ALK: variants seen among roughly 807,000 people sequenced by gnomAD.
ALK encodes the protein ALK receptor tyrosine kinase.
In ALK, 74 loss-of-function variants were observed where a neutral mutation model predicts 163.1. The observed-to-expected ratio is 0.45, with a 90% CI of 0.38 to 0.55. The LOEUF is 0.55. ALK is among the 20% of genes least tolerant of loss of function. The pLI, the probability that ALK is intolerant of heterozygous loss-of-function variation, is 0.00. For missense variants in ALK, 2,063 were observed against 2,105.3 expected, an observed-to-expected ratio of 0.98 and a Z score of 0.39; for synonymous variants, 960 against 843.2, an observed-to-expected ratio of 1.14 and a Z score of -2.40.
At chr2:29,696,609 CA>C (rs1678571790) in intron 2 of ALK, among the ~76,000 whole-genome samples, 1 of 151,064 alleles carries the variant, frequency 6.6e-6, no homozygotes, top group Non-Finnish European at 1.5e-5. Context: ...ATAAGGCCTG[CA>C]CAAAACCAGA....
rs1478981647 is a variant in ALK, at chr2:29,705,273, A to C, written c.788-10259T>G. On this transcript the variant is annotated intron_variant, in intron 2 of 28. Transcript: ENST00000389048. Reference sequence around the variant, plus strand: ...TATATATATATATATATATATATATATATATATAAATATATATCTGCTGTG... The same window carrying C: ...TATATATATATATATATATATATATCTATATATAAATATATATCTGCTGTG... Among the ~76,000 whole-genome samples the C allele has an allele frequency of 3.6e-3, 183 of 50,854 alleles. 4 individuals are homozygous for C. Among genetic ancestry groups the C allele is most frequent in the African/African-American group, 0.031 (176 of 5,620 alleles). 33.4% of individuals were successfully genotyped at this position (50,854 alleles called of 152,430 possible).
At chr2:29,505,806 GAAAA>G (rs56339658) in intron 4 of ALK, among the ~76,000 whole-genome samples, 21 of 137,926 alleles carry the variant, frequency 1.5e-4, no homozygotes, top group African/African-American at 5.3e-4. Context: ...TACACTAATT[GAAAA>G]AAAAAAAAAA....
At chr2:29,232,489 T>C in intron 14 of ALK, 41 bp from the exon 15 acceptor site, 2 of 1,613,472 alleles carry the variant, frequency 1.2e-6, no homozygotes, top group Non-Finnish European at 1.7e-6. Context: ...AACCGAGCTG[T>C]GCTTCCCCCT....
chr2:29,378,325 C>G (rs1231729669), intron 5 of ALK, among the ~76,000 whole-genome samples: 1 of 152,162 alleles, frequency 6.6e-6, no homozygotes, highest in African/African-American at 2.4e-5. Flanking sequence ...ATCATTGGGT[C>G]TTTGTTCATT....
chr2:29,490,988 C>T (rs1371025435), intron 4 of ALK, among the ~76,000 whole-genome samples: 2 of 152,290 alleles, frequency 1.3e-5, no homozygotes, highest in East Asian at 3.9e-4. Context: ...AGAAATGCTA[C>T]ATTTCAGTGA....
At chr2:29,715,348 G>A (rs1295408935) in intron 2 of ALK, among the ~76,000 whole-genome samples, 1 of 152,202 alleles carries the variant, frequency 6.6e-6, no homozygotes, top group Non-Finnish European at 1.5e-5. Context: ...CTGCCAAGAA[G>A]GGAAATCATG....
intron 6 of ALK, among the ~76,000 whole-genome samples, chr2:29,323,021 G>C (rs1457058588): frequency 1.3e-5 from 2 of 152,156 alleles, no homozygotes; most frequent in Admixed American, 6.5e-5. Context: ...GGTATTGTTA[G>C]CACAACAGCA....
intron 1 of ALK, among the ~76,000 whole-genome samples, chr2:29,900,645 G>A (rs1038341163): frequency 1.3e-5 from 2 of 152,190 alleles, no homozygotes; most frequent in African/African-American, 4.8e-5. Flanking sequence ...GCAGTAACCA[G>A]CAAACATGGG....
intron 3 of ALK, among the ~76,000 whole-genome samples, chr2:29,564,997 T>C (rs1674138686): frequency 6.6e-6 from 1 of 152,066 alleles, no homozygotes; most frequent in South Asian, 2.1e-4. Flanking sequence ...TGAGGTAGCT[T>C]TCAGAAAAAA....
Position 29,320,841 on chromosome 2 carries a change from A to G in ALK, c.1456T>C (p.Phe486Leu), listed in dbSNP as rs2148251034. The G allele has an allele frequency of 1.2e-6, 2 of 1,614,210 alleles. No individual in the cohort carries two copies. Among genetic ancestry groups the G allele is most frequent in the Middle Eastern group, 1.7e-4 (1 of 6,060 alleles). Residue 486 changes from phenylalanine (F) to leucine (L), a missense_variant, in exon 7 of 29, where the codon TTC becomes CTC. Coordinates refer to ENST00000389048, the MANE Select transcript of ALK (RefSeq NM_004304.5). Reference sequence around the variant, plus strand: ...AGTGTGCCTTGGGTCCAGCCACAGAAGCCATCTTCAAAGTTGCAGTAAAAA... The same window carrying G: ...AGTGTGCCTTGGGTCCAGCCACAGAGGCCATCTTCAAAGTTGCAGTAAAAA... ...VGFYCNFEDG[F>L]CGWTQGTLSP...
At chr2:29,637,149 A>C (rs1356255369) in intron 3 of ALK, among the ~76,000 whole-genome samples, 1 of 152,188 alleles carries the variant, frequency 6.6e-6, no homozygotes, top group African/African-American at 2.4e-5. Context: ...ATTTAGAGCA[A>C]TTTTATTCAT....
At chr2:29,906,703 T>C (rs892226036) in intron 1 of ALK, among the ~76,000 whole-genome samples, 1 of 152,190 alleles carries the variant, frequency 6.6e-6, no homozygotes, top group African/African-American at 2.4e-5. Flanking sequence ...CATCAGTTTC[T>C]TTATTTGCAA....
intron 1 of ALK, among the ~76,000 whole-genome samples, chr2:29,826,334 T>C (rs1034196469): frequency 1.3e-5 from 2 of 152,214 alleles, no homozygotes; most frequent in Non-Finnish European, 1.5e-5. Context: ...CGTCTGCAGT[T>C]TGTGGTGTTT....
chr2:29,319,209 G>A (rs2148249240), intron 7 of ALK: 1 of 152,352 alleles, frequency 6.6e-6, no homozygotes, highest in African/African-American at 2.4e-5. Flanking sequence ...AAACTTTCAG[G>A]GTCTGCAGAG....
At chr2:29,582,393 G>A (rs1265840094) in intron 3 of ALK, among the ~76,000 whole-genome samples, 1 of 152,214 alleles carries the variant, frequency 6.6e-6, no homozygotes, top group African/African-American at 2.4e-5. Context: ...GGGCCTGGGA[G>A]GGAATTTGAG....
At chr2:29,343,925 T>C (rs1466733233) in intron 5 of ALK, among the ~76,000 whole-genome samples, 7 of 151,850 alleles carry the variant, frequency 4.6e-5, no homozygotes, top group Admixed American at 3.9e-4. Context: ...TTCTCTAGAG[T>C]GAAGAGCTAC....
chr2:29,791,506 A>T (rs1382902289), intron 1 of ALK, among the ~76,000 whole-genome samples: 2 of 152,200 alleles, frequency 1.3e-5, no homozygotes, highest in Non-Finnish European at 2.9e-5. Flanking sequence ...GAGAGATAGC[A>T]TTAGGATAAA....
intron 4 of ALK, among the ~76,000 whole-genome samples, chr2:29,506,214 T>G (rs1382671110): frequency 1.3e-5 from 2 of 152,254 alleles, no homozygotes; most frequent in Non-Finnish European, 2.9e-5. Context: ...GATCAAACTT[T>G]GGGCATTTAA....
At chr2:29,697,019 T>C (rs1383837046) in intron 2 of ALK, among the ~76,000 whole-genome samples, 2 of 151,934 alleles carry the variant, frequency 1.3e-5, no homozygotes, top group Non-Finnish European at 2.9e-5. Flanking sequence ...CACATATATC[T>C]ATGTAACAAA....
Sources: allele counts gnomAD v4.1 joint callset (sites outside exome capture counted in the v4.1 genomes callset), GRCh38; gene constraint gnomAD v4.1.1; transcripts MANE v1.5; gene names NCBI Gene and HGNC (gene_info 2026-07-23, HGNC 2026-07-21).